Variants in RBFOX1 observed in about 807,000 individuals in gnomAD.
The protein encoded by RBFOX1 is RNA binding protein fox-1 homolog 1.
A neutral mutation model predicts 57.7 loss-of-function variants in RBFOX1; 8 were observed. That is an observed-to-expected ratio of 0.14 (90% confidence interval 0.08 to 0.25). RBFOX1 has a LOEUF of 0.25. RBFOX1 is among the 10% of genes least tolerant of loss of function. The pLI is 1.00. For missense variants in RBFOX1, 611 were observed against 548.5 expected, an observed-to-expected ratio of 1.11 and a Z score of -1.14; for synonymous variants, 326 against 222.4, an observed-to-expected ratio of 1.47 and a Z score of -4.15.
At chr16:6,920,431 CTTGT>C (rs1026981300) in intron 3 of RBFOX1, among the ~76,000 whole-genome samples, 32 of 152,260 alleles carry the variant, frequency 2.1e-4, no homozygotes, top group African/African-American at 7.0e-4. Context: ...TTATAAATGG[CTTGT>C]TTAAGTTGAT....
intron 3 of RBFOX1, among the ~76,000 whole-genome samples, chr16:6,859,145 A>ACGTATACG (rs1567592584): frequency 2.3e-4 from 20 of 88,136 alleles, no homozygotes; most frequent in African/African-American, 1.0e-3. Context: ...ATATACGTAT[A>ACGTATACG]TATATATGTA....
chr16:6,772,628 AGT>A (rs1313313082), intron 3 of RBFOX1, among the ~76,000 whole-genome samples: 2 of 110,052 alleles, frequency 1.8e-5, no homozygotes, highest in Non-Finnish European at 1.9e-5. Flanking sequence ...TGTATGTGTG[AGT>A]GTGGGGTGCA....
intron 2 of RBFOX1, among the ~76,000 whole-genome samples, chr16:6,364,957 T>C (rs2089297649): frequency 6.6e-6 from 1 of 152,066 alleles, no homozygotes; most frequent in Non-Finnish European, 1.5e-5. Flanking sequence ...TGTTCAAAAC[T>C]GTGATAAGAA....
chr16:5,928,757 A>T (rs969682290), intron 4 of RBFOX1, among the ~76,000 whole-genome samples: 2 of 151,356 alleles, frequency 1.3e-5, no homozygotes, highest in East Asian at 3.9e-4. Context: ...CAATCCTGGT[A>T]TTGTGGGCCA....
chr16:7,476,439 C>T (rs2062721752), intron 4 of RBFOX1, among the ~76,000 whole-genome samples: 1 of 152,156 alleles, frequency 6.6e-6, no homozygotes, highest in Admixed American at 6.5e-5. Context: ...ACGTAAAGAT[C>T]ACTTAATAAA....
At chr16:5,527,387 C>T (rs562864518) in intron 2 of RBFOX1, among the ~76,000 whole-genome samples, 5 of 152,312 alleles carry the variant, frequency 3.3e-5, no homozygotes, top group South Asian at 2.1e-4. Flanking sequence ...GTTTCTCTTC[C>T]ACCGGCTTAA....
intron 3 of RBFOX1, among the ~76,000 whole-genome samples, chr16:5,748,677 G>A (rs1051283564): frequency 6.1e-4 from 93 of 152,118 alleles, no homozygotes; most frequent in African/African-American, 2.0e-3. Flanking sequence ...TGTTTTATCC[G>A]AGACTAGGAC....
chr16:6,780,220 TA>T (rs1567214587), intron 3 of RBFOX1, among the ~76,000 whole-genome samples: 15 of 78,358 alleles, frequency 1.9e-4, no homozygotes, highest in Non-Finnish European at 1.9e-4. Flanking sequence ...TATATATATT[TA>T]TATATATATT....
chr16:6,446,112 G>A (rs1018691311), intron 2 of RBFOX1, among the ~76,000 whole-genome samples: 12 of 152,176 alleles, frequency 7.9e-5, no homozygotes, highest in African/African-American at 2.4e-4. Context: ...ATACATGCAC[G>A]TGCCACCTAA....
intron 1 of RBFOX1, among the ~76,000 whole-genome samples, chr16:6,279,899 T>A (rs1360895149): frequency 6.6e-6 from 1 of 152,104 alleles, no homozygotes; most frequent in Non-Finnish European, 1.5e-5. Flanking sequence ...GAGGATTTTT[T>A]TTTTAATGAT....
chr16:6,374,725 C>T (rs1479653586), intron 2 of RBFOX1, among the ~76,000 whole-genome samples: 1 of 152,170 alleles, frequency 6.6e-6, no homozygotes, highest in Non-Finnish European at 1.5e-5. Context: ...CTGTTATTGC[C>T]ACTGGCTGGT....
intron 2 of RBFOX1, among the ~76,000 whole-genome samples, chr16:5,564,022 T>C (rs2045977219): frequency 1.3e-5 from 2 of 152,086 alleles, no homozygotes; most frequent in South Asian, 4.2e-4. Context: ...TTAAAAAATT[T>C]TTTTATTTTT....
chr16:6,305,226 C>T lies in RBFOX1; in HGVS notation c.-126-11769C>T, dbSNP rs181338202. Among the ~76,000 whole-genome samples the T allele has an allele frequency of 1.8e-3, 281 of 152,316 alleles. 1 individual carries two copies. Among genetic ancestry groups the T allele is most frequent in the African/African-American group, 6.6e-3 (273 of 41,588 alleles). On this transcript the variant is annotated intron_variant, in intron 1 of 15. Transcript: ENST00000550418. ...GAGCAAATATAGCACAACTGCCATT[C>T]AGACCACAGTTCAAGTTGTGGCTTC...
chr16:6,550,291 C>G (rs1268693653), intron 2 of RBFOX1, among the ~76,000 whole-genome samples: 3 of 152,094 alleles, frequency 2.0e-5, no homozygotes, highest in Non-Finnish European at 2.9e-5. Flanking sequence ...ATTCTCTTGC[C>G]TCAACCTTCC....
chr16:6,821,396 G>C (rs908000501), intron 3 of RBFOX1, among the ~76,000 whole-genome samples: 1 of 152,098 alleles, frequency 6.6e-6, no homozygotes. Flanking sequence ...ATTTCATTGA[G>C]GTGTATTCCA....
intron 1 of RBFOX1, among the ~76,000 whole-genome samples, chr16:6,261,550 C>A (rs992722471): frequency 6.6e-6 from 1 of 152,168 alleles, no homozygotes; most frequent in African/African-American, 2.4e-5. Flanking sequence ...TCATCCTTGT[C>A]CTGGGAATCG....
intron 4 of RBFOX1, among the ~76,000 whole-genome samples, chr16:7,285,471 A>G (rs993254249): frequency 1.3e-5 from 2 of 151,890 alleles, no homozygotes; most frequent in Admixed American, 1.3e-4. Flanking sequence ...TGTGCATCCA[A>G]CACCACAGTC....
chr16:6,992,847 A>AAAG (rs1316244946), intron 3 of RBFOX1, among the ~76,000 whole-genome samples: 1 of 151,744 alleles, frequency 6.6e-6, no homozygotes, highest in Admixed American at 6.6e-5. Flanking sequence ...CAAAAAAAAA[A>AAAG]AAAAAAAGAT....
At chr16:5,975,959 C>A (rs1043332175) in intron 4 of RBFOX1, among the ~76,000 whole-genome samples, 1 of 151,962 alleles carries the variant, frequency 6.6e-6, no homozygotes, top group African/African-American at 2.4e-5. Flanking sequence ...GCCTGGCCAA[C>A]ACGGTGAAAC....
Sources: gnomAD v4.1 joint callset for allele counts (sites outside exome capture counted in the v4.1 genomes callset) on GRCh38, gnomAD v4.1.1 for gene constraint, MANE v1.5 for transcripts, NCBI Gene and HGNC (gene_info 2026-07-23, HGNC 2026-07-21) for gene names.